Variants in FCHO2 observed in about 807,000 individuals in gnomAD.
FCHO2 encodes the protein F-BAR domain only protein 2.
A neutral mutation model predicts 114.1 loss-of-function variants in FCHO2; 43 were observed. The ratio of observed to expected loss-of-function variants is 0.38; its 90% CI spans 0.30 to 0.49. The LOEUF is 0.49. Among genes scored for constraint, FCHO2 ranks in the 20% least tolerant of loss-of-function variants. The pLI, the probability that FCHO2 is intolerant of heterozygous loss-of-function variation, is 0.97. For missense variants in FCHO2, 807 were observed against 950.4 expected (o/e 0.85, Z 1.98); for synonymous variants, 293 against 315.2 (o/e 0.93, Z 0.75).
chr5:72,996,900 G>A, intron 5 of FCHO2: 1 of 1,547,150 alleles, frequency 6.5e-7, no homozygotes, highest in East Asian at 2.4e-5. Context: ...GGCAGAGCAG[G>A]CAGTGCCAGG....
intron 5 of FCHO2, among the ~76,000 whole-genome samples, chr5:73,001,499 T>C (rs924458174): frequency 6.6e-6 from 1 of 151,732 alleles, no homozygotes; most frequent in African/African-American, 2.4e-5. Flanking sequence ...CTTTATTAGT[T>C]AGTGCTTCTC....
chr5:73,010,875 C>CAAAAAAAAAAAAA (rs57820498), intron 6 of FCHO2, among the ~76,000 whole-genome samples: 1 of 25,754 alleles, frequency 3.9e-5, no homozygotes, highest in African/African-American at 1.2e-4. Context: ...GACTCTGTCT[C>CAAAAAAAAAAAAA]AAAAAAAAAA....
chr5:73,059,588 AC>A, intron 17 of FCHO2, among the ~76,000 whole-genome samples: 1 of 152,178 alleles, frequency 6.6e-6, no homozygotes, highest in African/African-American at 2.4e-5. Flanking sequence ...TTAAAATTAG[AC>A]CGTTTAGCAA....
intron 15 of FCHO2, chr5:73,054,974 A>C (rs1195645841): frequency 4.4e-6 from 1 of 229,682 alleles, no homozygotes; most frequent in Non-Finnish European, 9.2e-6. Flanking sequence ...CTAAGGTGCT[A>C]ATACCTTTTG....
chr5:73,050,599 G>A (rs2112832982), intron 11 of FCHO2, among the ~76,000 whole-genome samples: 1 of 152,292 alleles, frequency 6.6e-6, no homozygotes, highest in Non-Finnish European at 1.5e-5. Context: ...CTACAGGCGT[G>A]AGCCACTGCA....
At chr5:73,087,932 G>T in intron 25 of FCHO2, 136 bp from the exon 26 acceptor site, 1 of 1,401,264 alleles carries the variant, frequency 7.1e-7, no homozygotes, top group South Asian at 1.2e-5. Context: ...CAGTATAGCT[G>T]AACACCTGTT....
chr5:73,029,509 T>G (rs1370348582), intron 8 of FCHO2, among the ~76,000 whole-genome samples: 1 of 152,230 alleles, frequency 6.6e-6, no homozygotes, highest in African/African-American at 2.4e-5. Context: ...TAAATTTTTC[T>G]CATAGTTTTC....
chr5:73,057,606 A>AAAATC (rs1184082103), intron 16 of FCHO2, among the ~76,000 whole-genome samples: 1 of 152,178 alleles, frequency 6.6e-6, no homozygotes, highest in Non-Finnish European at 1.5e-5. Flanking sequence ...AGGGCTTAAA[A>AAAATC]AAATCACTTT....
At chr5:73,053,709 A>G (rs1757442988) in intron 13 of FCHO2, among the ~76,000 whole-genome samples, 2 of 152,136 alleles carry the variant, frequency 1.3e-5, no homozygotes, top group South Asian at 4.1e-4. Flanking sequence ...AAAAAAAAAA[A>G]AAGGTGGTGA....
intron 23 of FCHO2, among the ~76,000 whole-genome samples, chr5:73,082,440 T>C (rs1053373350): frequency 6.6e-6 from 1 of 152,130 alleles, no homozygotes; most frequent in African/African-American, 2.4e-5. Context: ...AACCGCTCTT[T>C]ATAGTTACTT....
At chr5:73,005,218 C>T (rs946232474) in intron 5 of FCHO2, among the ~76,000 whole-genome samples, 1 of 152,100 alleles carries the variant, frequency 6.6e-6, no homozygotes, top group Non-Finnish European at 1.5e-5. Flanking sequence ...CTTACCAAAC[C>T]CAAACCTCAG....
intron 8 of FCHO2, chr5:73,021,142 TG>T: frequency 1.3e-6 from 1 of 779,152 alleles, no homozygotes; most frequent in South Asian, 1.3e-5. Flanking sequence ...GAAATCTTCA[TG>T]GCTGAGAATG....
chr5:73,049,501 C>G (rs1561477765), intron 11 of FCHO2, among the ~76,000 whole-genome samples: 1 of 151,932 alleles, frequency 6.6e-6, no homozygotes, highest in Non-Finnish European at 1.5e-5. Context: ...CTCATTTTAT[C>G]TCACATATTT....
chr5:72,958,482 T>C (rs1267455791), intron 1 of FCHO2, among the ~76,000 whole-genome samples: 1 of 152,210 alleles, frequency 6.6e-6, no homozygotes, highest in Non-Finnish European at 1.5e-5. Flanking sequence ...CAAATATCAA[T>C]CGACCAGAAA....
intron 6 of FCHO2, among the ~76,000 whole-genome samples, chr5:73,009,625 G>C (rs1372093167): frequency 1.3e-5 from 2 of 152,048 alleles, no homozygotes; most frequent in Non-Finnish European, 2.9e-5. Context: ...CAGCCTTTTT[G>C]CCTCCCAGGC....
chr5:73,020,133 C>T (rs577548058), intron 8 of FCHO2, among the ~76,000 whole-genome samples: 2 of 152,218 alleles, frequency 1.3e-5, no homozygotes, highest in South Asian at 4.2e-4. Flanking sequence ...ACTGCCAGAC[C>T]CCTGAACTAT....
At chr5:73,021,505 A>G (rs1755622274) in intron 8 of FCHO2, among the ~76,000 whole-genome samples, 1 of 152,140 alleles carries the variant, frequency 6.6e-6, no homozygotes, top group South Asian at 2.1e-4. Flanking sequence ...TCCTTACTCT[A>G]GAAAATGCTG....
chr5:72,971,671 A>G (rs1382348091), intron 2 of FCHO2, among the ~76,000 whole-genome samples: 1 of 152,094 alleles, frequency 6.6e-6, no homozygotes, highest in Non-Finnish European at 1.5e-5. Context: ...CTCTAATGGT[A>G]GTTTCTTTTG....
Position 73,047,149 on chromosome 5 carries a change from TTC to T in FCHO2, c.940-4192_940-4191del, listed in dbSNP as rs148130452. Among the ~76,000 whole-genome samples, 1,099 of 152,258 alleles carry T rather than the reference TTC, an allele frequency of 7.2e-3. 17 individuals carry two copies. Among genetic ancestry groups the T allele is most frequent in the African/African-American group, 0.025 (1,049 of 41,496 alleles). On this transcript the variant is annotated intron_variant, in intron 11 of 25. Coordinates refer to ENST00000430046, the MANE Select transcript of FCHO2 (RefSeq NM_138782.3). Reference sequence around the variant, plus strand: ...GCCCTTTATTTTTGTCACATTTGCATTCTCTCTCTGTTTGTGCATGTGTTTAT... The same window carrying T: ...GCCCTTTATTTTTGTCACATTTGCATTCTCTCTGTTTGTGCATGTGTTTAT...
Sources: gnomAD v4.1 joint callset for allele counts (sites outside exome capture counted in the v4.1 genomes callset) on GRCh38, gnomAD v4.1.1 for gene constraint, MANE v1.5 for transcripts, NCBI Gene and HGNC (gene_info 2026-07-23, HGNC 2026-07-21) for gene names.